PROSER1: variants seen among roughly 807,000 people sequenced by gnomAD.
The protein encoded by PROSER1 is proline and serine-rich protein 1.
A neutral mutation model predicts 71.8 loss-of-function variants in PROSER1; 36 were observed. The ratio of observed to expected loss-of-function variants is 0.50; its 90% CI spans 0.38 to 0.66. The LOEUF (loss-of-function observed/expected upper bound fraction) is 0.66. PROSER1 is among the 30% of genes least tolerant of loss of function. The pLI is 0.00. For missense variants in PROSER1, 1,107 were observed against 1,135.0 expected, an observed-to-expected ratio of 0.98 and a Z score of 0.35; for synonymous variants, 490 against 452.4, an observed-to-expected ratio of 1.08 and a Z score of -1.06.
intron 4 of PROSER1, 147 bp downstream of exon 4, chr13:39,029,134 A>G (rs553474579): frequency 3.7e-6 from 2 of 534,082 alleles, no homozygotes; most frequent in East Asian, 6.7e-5. Flanking sequence ...TACACTAGAT[A>G]CTTATTCACA....
In PROSER1 at chr13:39,031,349, C is replaced by G. The variant is rs183328539; in HGVS notation, c.180+214G>C. Among the ~76,000 whole-genome samples the G allele has an allele frequency of 5.0e-4, 76 of 152,318 alleles. No homozygotes were observed. In the East Asian group the frequency reaches 0.014, roughly 28 times the overall value. On this transcript the variant is annotated intron_variant, in intron 3 of 12. Coordinates refer to ENST00000352251, the MANE Select transcript of PROSER1 (RefSeq NM_025138.5). The stretch of plus-strand genomic sequence containing the variant: ...TTTTGCTTGCTGGTGAAGTTTTCTT[C>G]TAACTTGCCAATCGGGACACTGTAG...
chr13:39,027,395 T>C (rs888318220), intron 5 of PROSER1, among the ~76,000 whole-genome samples: 2 of 152,156 alleles, frequency 1.3e-5, no homozygotes, highest in Non-Finnish European at 2.9e-5. Context: ...GTTGTACTAA[T>C]TTATATTGAC....
At position 39,024,641 on chromosome 13, in the gene PROSER1, A is replaced by G; in HGVS notation, c.481-85T>C. On this transcript the variant is annotated intron_variant, in intron 6 of 12. Coordinates refer to ENST00000352251, the MANE Select transcript of PROSER1 (RefSeq NM_025138.5). The stretch of plus-strand genomic sequence containing the variant: ...ACAATAACCAACCTCACTGTATTAC[A>G]CTGAAGAAAAGGACTTGGTAAGAGT... 6.3e-6 allele frequency: 6 copies of G among 948,192 alleles called. No homozygotes were observed. In the South Asian group the frequency reaches 9.4e-5, roughly 15 times the overall value. 58.7% of individuals were successfully genotyped at this position (948,192 alleles called of 1,614,324 possible). A position where few individuals can be genotyped will look rare whatever the true frequency, so the allele number is the denominator to read the frequency against.
At position 39,012,227 on chromosome 13, in the gene PROSER1, T is replaced by A; in HGVS notation, c.2568A>T (p.Ser856=). The change falls in exon 12 of 13, where the codon TCA becomes TCT. Residue 856 remains serine, a synonymous_variant. Coordinates refer to ENST00000352251, the MANE Select transcript of PROSER1 (RefSeq NM_025138.5). ...NSALVAQAGL[S]SGLQAAGSSV... is the part of the protein sequence containing the mutation. ...AACTGCCTGCAGCTTGAAGTCCAGA[T>A]GATAAACTAAAACAATTGACAGAAA... The A allele has an allele frequency of 6.2e-7, 1 of 1,613,834 alleles. No homozygotes were observed. The highest frequency in any genetic ancestry group is 8.5e-7 in the Non-Finnish European group (1 of 1,179,944).
At chr13:39,034,103 C>A in intron 2 of PROSER1, 28 bp downstream of exon 2, 2 of 1,486,678 alleles carry the variant, frequency 1.3e-6, no homozygotes, top group Admixed American at 2.3e-5. Flanking sequence ...AAAAAGAAAG[C>A]TTTGTTTAAA....
chr13:39,013,095 T>C lies in PROSER1; in HGVS notation c.2157A>G (p.Val719=). 2 of 1,614,028 alleles carry C rather than the reference T, an allele frequency of 1.2e-6. No individual in the cohort carries two copies. The highest frequency in any genetic ancestry group is 1.1e-5 in the South Asian group (1 of 91,062). ...LTGNPSLNPS[V]SLPGSLIATS... ...TGGCTATTAATGACCCTGGGAGAGA[T>C]ACTGACGGATTAAGAGATGGGTTGC... The change falls in exon 11 of 13, where the codon GTA becomes GTG. Residue 719 remains valine, a synonymous_variant. Transcript: ENST00000352251.
chr13:39,014,009 C>A lies in PROSER1; in HGVS notation c.1243G>T (p.Ala415Ser). The change falls in exon 11 of 13, where the codon GCT becomes TCT. Residue 415 changes from alanine to serine, a missense_variant. Coordinates refer to ENST00000352251, the MANE Select transcript of PROSER1 (RefSeq NM_025138.5). The stretch of plus-strand genomic sequence containing the variant: ...GCAGAATTTGGGTTGCTGGTAGAAG[C>A]AGCAGAAGAGCTGGTGGAAAAGGGG... ...SLPFSTSSSAASTSNPNSASL... is the reference protein window; with the variant it reads ...SLPFSTSSSASSTSNPNSASL... The A allele has an allele frequency of 6.2e-7, 1 of 1,613,756 alleles. No individual in the cohort carries two copies. Among genetic ancestry groups the A allele is most frequent in the African/African-American group, 1.3e-5 (1 of 75,020 alleles).
chr13:39,031,717 A>C, intron 2 of PROSER1, 86 bp from the exon 3 acceptor site: 1 of 1,224,632 alleles, frequency 8.2e-7, no homozygotes, highest in Non-Finnish European at 1.2e-6. Context: ...ATAATTCGAC[A>C]CGTGCAGCCC....
In PROSER1 at chr13:39,026,355, A is replaced by T; in HGVS notation, c.402T>A (p.Ala134=). ...AFKGGCKAPH[A]MISSCGTIPG... ...GGATTGTTCCACAAGAAGATATCATAGCATGAGGAGCTTTGCAGCCCCCCT... is the reference window on the plus strand; with the variant it reads ...GGATTGTTCCACAAGAAGATATCATTGCATGAGGAGCTTTGCAGCCCCCCT... The change falls in exon 6 of 13, where the codon GCT becomes GCA. Residue 134 remains alanine (A), a synonymous_variant. Transcript: ENST00000352251. The T allele has an allele frequency of 6.2e-7, 1 of 1,612,138 alleles. No individual in the cohort carries two copies. Among genetic ancestry groups the T allele is most frequent in the Admixed American group, 1.7e-5 (1 of 59,916 alleles).
chr13:39,014,104 C>T lies in PROSER1; in HGVS notation c.1148G>A (p.Gly383Glu), dbSNP rs1190460158. The T allele has an allele frequency of 6.2e-7, 1 of 1,613,954 alleles. No individual in the cohort carries two copies. The highest frequency in any genetic ancestry group is 1.7e-5 in the Admixed American group (1 of 60,012). Residue 383 changes from glycine to glutamate, a missense_variant, in exon 11 of 13, where the codon GGA becomes GAA. Coordinates refer to ENST00000352251, the MANE Select transcript of PROSER1 (RefSeq NM_025138.5). ...ACCAAGAGTGGACCGTGGTGTAGGTCCTGGGGTAGGAGTGGCTGCGGTAGG... is the reference window on the plus strand; with the variant it reads ...ACCAAGAGTGGACCGTGGTGTAGGTTCTGGGGTAGGAGTGGCTGCGGTAGG... ...ATPTAATPTP[G>E]PTPRSTLGSS... is the part of the protein sequence containing the mutation.
intron 8 of PROSER1, chr13:39,022,682 A>C (rs898574765): frequency 7.2e-6 from 3 of 415,640 alleles, no homozygotes; most frequent in Non-Finnish European, 1.3e-5. Flanking sequence ...AACCTGCTAT[A>C]CTTACATTAT....
rs1195956217 is a variant in PROSER1, at chr13:39,010,429, ATAC to A, written c.*933_*935del. The A allele has an allele frequency of 6.6e-6, 1 of 152,658 alleles. No individual in the cohort carries two copies. Among genetic ancestry groups the A allele is most frequent in the African/African-American group, 2.4e-5 (1 of 41,466 alleles). The allele number at this position is 152,658 out of a possible 1,614,324, so 9.5% of individuals were successfully genotyped here. A position where few individuals can be genotyped will look rare whatever the true frequency, so the allele number is the denominator to read the frequency against. ...AAAATTAATGACATTCACTCATGTT[ATAC>A]TACCACAGATCCTTAAATAGAGTAC... On this transcript the variant is annotated 3_prime_UTR_variant, in exon 13 of 13. Coordinates refer to ENST00000352251, the MANE Select transcript of PROSER1 (RefSeq NM_025138.5).
In PROSER1 at chr13:39,029,322, A is replaced by C. The variant is rs369721072; in HGVS notation, c.234T>G (p.Thr78=). The change falls in exon 4 of 13, where the codon ACT becomes ACG. Residue 78 remains threonine, a synonymous_variant. Transcript: ENST00000352251. The part of the protein sequence containing the change: ...TEVVNILNCF[T]FSKDKLVALE... The stretch of plus-strand genomic sequence containing the variant: ...GAGCAACTAGTTTGTCTTTACTGAA[A>C]GTGAAACAGTTGAGTATATTGACCA... The C allele has an allele frequency of 3.0e-5, 47 of 1,553,682 alleles. No homozygotes were observed. Among genetic ancestry groups the C allele is most frequent in the Non-Finnish European group, 4.0e-5 (46 of 1,157,722 alleles).
intron 2 of PROSER1, among the ~76,000 whole-genome samples, chr13:39,032,109 G>C (rs1021475967): frequency 6.6e-6 from 1 of 152,158 alleles, no homozygotes; most frequent in Non-Finnish European, 1.5e-5. Flanking sequence ...TCAACACGAG[G>C]GGAGAACAGC....
intron 10 of PROSER1, among the ~76,000 whole-genome samples, chr13:39,016,953 T>C (rs1870034881): frequency 6.6e-6 from 1 of 152,210 alleles, no homozygotes; most frequent in African/African-American, 2.4e-5. Flanking sequence ...ACACAGATCA[T>C]CACCTAGGGG....
intron 7 of PROSER1, 23 bp from the exon 8 acceptor site, chr13:39,023,153 G>C: frequency 6.4e-7 from 1 of 1,568,858 alleles, no homozygotes; most frequent in Non-Finnish European, 8.8e-7. Flanking sequence ...GGAAAATACA[G>C]CAGTTAGAAG....
chr13:39,012,914 G>T lies in PROSER1; in HGVS notation c.2338C>A (p.Pro780Thr), dbSNP rs1354737184. The T allele has an allele frequency of 6.2e-7, 1 of 1,614,008 alleles. No homozygotes were observed. The highest frequency in any genetic ancestry group is 1.3e-5 in the African/African-American group (1 of 74,886). Residue 780 changes from proline (P) to threonine (T), a missense_variant, in exon 11 of 13, where the codon CCT (proline) becomes ACT (threonine). Physicochemically the swap from Pro to Thr is conservative, Grantham distance 38 (BLOSUM62 -1). Transcript: ENST00000352251. ...TAGGAGGGATTTGAAGATGACAGAGGTCCTTGAGTAACAGAGAAAAGTGAG... is the reference window on the plus strand; with the variant it reads ...TAGGAGGGATTTGAAGATGACAGAGTTCCTTGAGTAACAGAGAAAAGTGAG... The part of the protein sequence containing the change: ...VPSLFSVTQG[P>T]LSSSNPSYPG...
In PROSER1 at chr13:39,017,556, T is replaced by G; in HGVS notation, c.731-12A>C. The G allele has an allele frequency of 7.3e-7, 1 of 1,364,538 alleles. No individual in the cohort carries two copies. The highest frequency in any genetic ancestry group is 1.3e-5 in the South Asian group (1 of 76,502). The allele number at this position is 1,364,538 out of a possible 1,614,324, so 84.5% of individuals were successfully genotyped here. On this transcript the variant is annotated splice_polypyrimidine_tract_variant and intron_variant, in intron 9 of 12. Transcript: ENST00000352251. ...AAGGTCTTCATTCTCTATATAAAAA[T>G]AAATAAAAGTTCATTTTAAACTTTA...
chr13:39,014,112 A>G lies in PROSER1; in HGVS notation c.1140T>C (p.Pro380=). Residue 380 remains proline, a synonymous_variant, in exon 11 of 13, where the codon CCT becomes CCC. Transcript: ENST00000352251. Reference sequence around the variant, plus strand: ...TGGACCGTGGTGTAGGTCCTGGGGTAGGAGTGGCTGCGGTAGGAGTGGCAG... The same window carrying G: ...TGGACCGTGGTGTAGGTCCTGGGGTGGGAGTGGCTGCGGTAGGAGTGGCAG... ...GPSATPTAAT[P]TPGPTPRSTL... The G allele has an allele frequency of 6.2e-7, 1 of 1,613,398 alleles. No individual in the cohort carries two copies. Among genetic ancestry groups the G allele is most frequent in the East Asian group, 2.2e-5 (1 of 44,806 alleles).
Sources: allele counts gnomAD v4.1 joint callset (sites outside exome capture counted in the v4.1 genomes callset), GRCh38; gene constraint gnomAD v4.1.1; transcripts MANE v1.5; gene names NCBI Gene and HGNC (gene_info 2026-07-23, HGNC 2026-07-21).